Variants in FGF14 observed in about 807,000 individuals in gnomAD.
FGF14 encodes fibroblast growth factor 14, also known as fibroblast growth factor homologous factor 4.
In FGF14, 5 loss-of-function variants were observed where a neutral mutation model predicts 25.5. The observed-to-expected ratio is 0.20, with a 90% CI of 0.10 to 0.41. FGF14 has a LOEUF of 0.41. Among genes scored for constraint, FGF14 ranks in the 10% least tolerant of loss-of-function variants. The probability of loss-of-function intolerance (pLI) is 1.00; values close to 1 mark genes in which losing one functional copy is unlikely to be tolerated. For missense variants in FGF14, 222 were observed against 320.1 expected (o/e 0.69, Z 2.34); for synonymous variants, 138 against 118.3 (o/e 1.17, Z -1.08).
In FGF14 at chr13:102,339,524, T is replaced by C. The variant is rs141937622; in HGVS notation, c.208+61947A>G. ...AAAATCTACATCATATGCTTAAAAA[T>C]TCCAAGGGGTGAGGTGAGAGCAAAG... On this transcript the variant is annotated intron_variant, in intron 1 of 4. Coordinates refer to the FGF14 transcript ENST00000376131. Among the ~76,000 whole-genome samples, 155 of 152,274 alleles carry C rather than the reference T, an allele frequency of 1.0e-3. 1 individual carries two copies. Among genetic ancestry groups the C allele is most frequent in the African/African-American group, 3.5e-3 (144 of 41,570 alleles).
intron 1 of FGF14, among the ~76,000 whole-genome samples, chr13:102,256,824 G>C (rs2052463864): frequency 6.6e-6 from 1 of 152,130 alleles, no homozygotes; most frequent in Admixed American, 6.5e-5. Context: ...AGAACAGTTT[G>C]ACTTTAAGTT....
intron 3 of FGF14, among the ~76,000 whole-genome samples, chr13:101,811,294 C>G (rs970044432): frequency 6.6e-6 from 1 of 152,168 alleles, no homozygotes; most frequent in African/African-American, 2.4e-5. Flanking sequence ...TAACCCCTGG[C>G]AACCATGGAT....
At chr13:102,059,979 G>C (rs2042607439) in intron 1 of FGF14, among the ~76,000 whole-genome samples, 1 of 151,950 alleles carries the variant, frequency 6.6e-6, no homozygotes, top group South Asian at 2.1e-4. Context: ...GTTAAATACA[G>C]ACCGGCATTC....
chr13:102,346,997 T>C (rs1390258855), intron 1 of FGF14, among the ~76,000 whole-genome samples: 1 of 152,128 alleles, frequency 6.6e-6, no homozygotes, highest in Non-Finnish European at 1.5e-5. Context: ...CAATAGAACA[T>C]CCAAAAGTGG....
chr13:102,233,879 T>C (rs1254500216), intron 1 of FGF14, among the ~76,000 whole-genome samples: 13 of 152,328 alleles, frequency 8.5e-5, no homozygotes, highest in Admixed American at 7.8e-4. Flanking sequence ...GTGCTTCTAA[T>C]TGGTTTCTCG....
intron 1 of FGF14, among the ~76,000 whole-genome samples, chr13:101,942,284 T>A (rs952763101): frequency 1.3e-5 from 2 of 152,162 alleles, no homozygotes; most frequent in African/African-American, 4.8e-5. Flanking sequence ...AAAGCCTGTT[T>A]AGTGTCTCAG....
At chr13:101,852,622 ATGTCTTTG>A (rs1035990800) in intron 3 of FGF14, among the ~76,000 whole-genome samples, 1 of 152,050 alleles carries the variant, frequency 6.6e-6, no homozygotes, top group Admixed American at 6.6e-5. Context: ...CTTAAAGGAA[ATGTCTTTG>A]TCAGGACAGA....
Position 101,714,219 on chromosome 13 carries a change from T to C in FGF14, c.*8612A>G, listed in dbSNP as rs1450900599. The C allele has an allele frequency of 3.8e-6, 2 of 524,078 alleles. No individual in the cohort carries two copies. The highest frequency in any genetic ancestry group is 3.8e-5 in the African/African-American group (2 of 52,358). The allele number at this position is 524,078 out of a possible 1,614,324, so 32.5% of individuals were successfully genotyped here. ...GGGCCATGGGACATTTGTTCAAGGC[T>C]AATTGCAACTGTCTAGATCCATAAT... On this transcript the variant is annotated 3_prime_UTR_variant, in exon 5 of 5. Coordinates refer to ENST00000376143, the MANE Select transcript of FGF14 (RefSeq NM_004115.4).
intron 1 of FGF14, among the ~76,000 whole-genome samples, chr13:102,200,535 T>C (rs1313471433): frequency 6.6e-6 from 1 of 151,964 alleles, no homozygotes; most frequent in Admixed American, 6.6e-5. Context: ...ATTCCCATAT[T>C]ATATGTTAGA....
intron 3 of FGF14, among the ~76,000 whole-genome samples, chr13:101,812,653 A>ATTTTTTTTTTT (rs869237724): frequency 8.6e-5 from 1 of 11,614 alleles, no homozygotes. Flanking sequence ...ATATATATAT[A>ATTTTTTTTTTT]TTTTTTTTTT....
In FGF14 at chr13:101,715,497, T is replaced by C; in HGVS notation, c.*7334A>G. On this transcript the variant is annotated 3_prime_UTR_variant, in exon 5 of 5. Transcript: ENST00000376143. ...TTTCATTGTGGACACTTGTGATTTA[T>C]AATAGCATGTTTAAATTTGGCACAT... is the stretch of plus-strand genomic sequence containing the variant. The C allele has an allele frequency of 9.4e-7, 1 of 1,066,344 alleles. No homozygotes were observed. Among genetic ancestry groups the C allele is most frequent in the South Asian group, 1.3e-5 (1 of 79,226 alleles). The allele number at this position is 1,066,344 out of a possible 1,614,324, so 66.1% of individuals were successfully genotyped here.
intron 1 of FGF14, among the ~76,000 whole-genome samples, chr13:102,265,595 T>G (rs2052949674): frequency 6.6e-6 from 1 of 152,182 alleles, no homozygotes. Flanking sequence ...ATTCCAGATT[T>G]TCATGTCTTA....
intron 3 of FGF14, among the ~76,000 whole-genome samples, chr13:101,837,262 C>G (rs1555392059): frequency 2.0e-5 from 3 of 151,864 alleles, no homozygotes; most frequent in Non-Finnish European, 1.5e-5. Context: ...TTAATATTCT[C>G]TAGTTATTTT....
At chr13:102,057,589 T>C (rs558974255) in intron 1 of FGF14, among the ~76,000 whole-genome samples, 7 of 152,298 alleles carry the variant, frequency 4.6e-5, no homozygotes, top group South Asian at 2.1e-4. Flanking sequence ...GTGACCATTA[T>C]AGTATTTGAA....
At chr13:102,248,462 G>A (rs1237427586) in intron 1 of FGF14, among the ~76,000 whole-genome samples, 3 of 152,094 alleles carry the variant, frequency 2.0e-5, no homozygotes, top group Non-Finnish European at 4.4e-5. Context: ...TATCTTATTT[G>A]AGATATTCAA....
chr13:101,822,634 T>C (rs1210743997), intron 3 of FGF14, among the ~76,000 whole-genome samples: 4 of 152,164 alleles, frequency 2.6e-5, no homozygotes, highest in Non-Finnish European at 5.9e-5. Context: ...ATGGAGTACA[T>C]ATGATATTTT....
At chr13:102,002,563 G>A (rs2039555390) in intron 1 of FGF14, 1 of 164,048 alleles carries the variant, frequency 6.1e-6, no homozygotes, top group Admixed American at 6.0e-5. Context: ...CAAATGGAAT[G>A]TGCAGCCTAC....
At chr13:102,041,850 A>G (rs1027261348) in intron 1 of FGF14, among the ~76,000 whole-genome samples, 4 of 152,184 alleles carry the variant, frequency 2.6e-5, no homozygotes, top group African/African-American at 7.2e-5. Context: ...ACCTTTGGAC[A>G]TGATTTCCTC....
chr13:102,361,352 G>C (rs534099044), intron 1 of FGF14, among the ~76,000 whole-genome samples: 1 of 152,090 alleles, frequency 6.6e-6, no homozygotes. Context: ...GGAGAAGAAC[G>C]GAAGTTAACC....
Sources: gnomAD v4.1 joint callset for allele counts (sites outside exome capture counted in the v4.1 genomes callset) on GRCh38, gnomAD v4.1.1 for gene constraint, MANE v1.5 for transcripts, NCBI Gene and HGNC (gene_info 2026-07-23, HGNC 2026-07-21) for gene names.